Variants in LRRC4C observed in about 807,000 individuals in gnomAD.
LRRC4C encodes the protein leucine rich repeat containing 4C.
LRRC4C carries 5 observed loss-of-function variants against 33.6 expected under a neutral mutation model. The observed-to-expected ratio is 0.15, with a 90% CI of 0.08 to 0.31. The LOEUF is 0.31. Among genes scored for constraint, LRRC4C ranks in the 10% least tolerant of loss-of-function variants. LRRC4C has a pLI of 1.00. For missense variants in LRRC4C, 560 were observed against 796.7 expected (o/e 0.70, Z 3.58); for synonymous variants, 329 against 302.0 (o/e 1.09, Z -0.93).
chr11:40,393,557 A>G (rs1257418145), intron 3 of LRRC4C, among the ~76,000 whole-genome samples: 1 of 152,174 alleles, frequency 6.6e-6, no homozygotes, highest in African/African-American at 2.4e-5. Context: ...AATTCTTTGG[A>G]GAAAAAGAAG....
chr11:41,161,562 A>AC (rs2136029808), intron 1 of LRRC4C, among the ~76,000 whole-genome samples: 1 of 152,270 alleles, frequency 6.6e-6, no homozygotes, highest in African/African-American at 2.4e-5. Flanking sequence ...ATGTCAGATA[A>AC]CCTTTAATTA....
intron 1 of LRRC4C, among the ~76,000 whole-genome samples, chr11:41,330,528 C>A (rs765992299): frequency 1.3e-5 from 2 of 152,084 alleles, no homozygotes; most frequent in Admixed American, 6.5e-5. Context: ...ACCTCCTTCA[C>A]CCCTTCATAT....
chr11:40,398,911 T>C (rs1949649422), intron 3 of LRRC4C, among the ~76,000 whole-genome samples: 1 of 152,154 alleles, frequency 6.6e-6, no homozygotes, highest in South Asian at 2.1e-4. Context: ...CTAATTTCAA[T>C]TTGTAATACC....
chr11:41,113,815 C>T (rs1033447219), intron 1 of LRRC4C, among the ~76,000 whole-genome samples: 5 of 151,894 alleles, frequency 3.3e-5, no homozygotes, highest in Non-Finnish European at 5.9e-5. Context: ...TGCATACATC[C>T]TTTCATGATT....
intron 3 of LRRC4C, among the ~76,000 whole-genome samples, chr11:40,525,855 A>G (rs1956026551): frequency 1.3e-5 from 2 of 152,332 alleles, no homozygotes; most frequent in South Asian, 4.1e-4. Context: ...AGCTGTAGTA[A>G]CTAAGACAAG....
At position 40,699,902 on chromosome 11, in the gene LRRC4C, G is replaced by T. The variant is rs1300604060; in HGVS notation, c.-406-51624C>A. On this transcript the variant is annotated intron_variant, in intron 2 of 6. Transcript: ENST00000528697. ...TCAATTAAATATACACAAAGACATA[G>T]AATTCTTAATAACTTAGTTTAGAAG... Among the ~76,000 whole-genome samples, 3 of 152,174 alleles carry T rather than the reference G, an allele frequency of 2.0e-5. No homozygotes were observed. The South Asian group carries it at 6.2e-4, about 32-fold the overall frequency.
chr11:40,583,267 T>C (rs12281235), intron 3 of LRRC4C, among the ~76,000 whole-genome samples: 4,824 of 152,262 alleles, frequency 0.032, 266 homozygotes, highest in African/African-American at 0.11. Context: ...CTATTTCCTC[T>C]TACTCACTCT....
At chr11:41,214,790 T>A (rs1364287382) in intron 1 of LRRC4C, among the ~76,000 whole-genome samples, 9 of 144,338 alleles carry the variant, frequency 6.2e-5, no homozygotes, top group Non-Finnish European at 1.3e-4. Flanking sequence ...CATATATATA[T>A]GTGTGTATAT....
At chr11:41,045,359 T>C (rs1426502306) in intron 1 of LRRC4C, among the ~76,000 whole-genome samples, 1 of 152,150 alleles carries the variant, frequency 6.6e-6, no homozygotes, top group East Asian at 1.9e-4. Flanking sequence ...TCAAGCTGTT[T>C]CGTTCCCATA....
chr11:40,875,055 T>C (rs1222337929), intron 2 of LRRC4C, among the ~76,000 whole-genome samples: 2 of 152,194 alleles, frequency 1.3e-5, no homozygotes, highest in Non-Finnish European at 1.5e-5. Context: ...TACTTGTTAG[T>C]ATAAAATGTC....
chr11:41,196,435 A>T (rs977281668), intron 1 of LRRC4C, among the ~76,000 whole-genome samples: 1 of 152,118 alleles, frequency 6.6e-6, no homozygotes, highest in African/African-American at 2.4e-5. Context: ...ATAAACTTAC[A>T]CAGTGATGAT....
intron 3 of LRRC4C, among the ~76,000 whole-genome samples, chr11:40,352,638 A>C (rs115430095): frequency 0.02 from 2,450 of 119,988 alleles, 50 homozygotes; most frequent in East Asian, 0.095. Flanking sequence ...ACAGTGTTAT[A>C]ATATTCTGTG....
intron 1 of LRRC4C, among the ~76,000 whole-genome samples, chr11:41,112,824 T>C (rs1284192809): frequency 1.3e-5 from 2 of 152,094 alleles, no homozygotes; most frequent in Admixed American, 6.6e-5. Flanking sequence ...ATTTTCCTCA[T>C]TGAATGCTCT....
chr11:40,862,099 C>A (rs1954134543), intron 2 of LRRC4C, among the ~76,000 whole-genome samples: 1 of 152,106 alleles, frequency 6.6e-6, no homozygotes, highest in Non-Finnish European at 1.5e-5. Context: ...AAAAGAAGGT[C>A]CATTCATTTA....
chr11:40,155,964 C>A (rs1164635350), intron 5 of LRRC4C, among the ~76,000 whole-genome samples: 8 of 152,090 alleles, frequency 5.3e-5, no homozygotes, highest in Non-Finnish European at 1.5e-5. Flanking sequence ...AAAATACTAG[C>A]TAACCGAATC....
intron 2 of LRRC4C, among the ~76,000 whole-genome samples, chr11:40,928,570 T>C (rs1007335039): frequency 6.6e-6 from 1 of 152,044 alleles, no homozygotes. Flanking sequence ...ATATTTACTC[T>C]GTGGCCAGCA....
intron 1 of LRRC4C, among the ~76,000 whole-genome samples, chr11:41,012,218 T>C (rs1350527455): frequency 6.6e-6 from 1 of 152,154 alleles, no homozygotes; most frequent in East Asian, 1.9e-4. Flanking sequence ...CATTAATTAA[T>C]CTTTCTTTAT....
rs140486740 is a variant in LRRC4C, at chr11:41,018,851, G to A, written c.-495-85128C>T. On this transcript the variant is annotated intron_variant, in intron 1 of 6. Transcript: ENST00000528697. ...AAATTTTCTTAACTAGACCATTTTC[G>A]GGTTGAAACTGGGTTCATTCTCATT... 1.2e-3 allele frequency among the ~76,000 whole-genome samples: 182 copies of A among 152,104 alleles called. 1 individual carries two copies. The highest frequency in any genetic ancestry group is 4.0e-3 in the African/African-American group (167 of 41,492).
intron 2 of LRRC4C, among the ~76,000 whole-genome samples, chr11:40,766,405 T>A (rs2137121275): frequency 9.2e-6 from 1 of 108,544 alleles, no homozygotes; most frequent in African/African-American, 3.4e-5. Context: ...TAGACAATCA[T>A]CTAAAGGTAC....
Sources: allele counts gnomAD v4.1 joint callset (sites outside exome capture counted in the v4.1 genomes callset), GRCh38; gene constraint gnomAD v4.1.1; transcripts MANE v1.5; gene names NCBI Gene and HGNC (gene_info 2026-07-23, HGNC 2026-07-21).